The following POTEJ variants were observed in gnomAD, a reference collection of about 807,000 sequenced individuals.
The protein encoded by POTEJ is POTE ankyrin domain family member J, also known as POTE ankyrin domain family, member J.
Under a neutral mutation model 69.0 loss-of-function variants are expected in POTEJ, and 11 were observed. That is an observed-to-expected ratio of 0.16 (90% CI 0.10 to 0.26). The LOEUF (loss-of-function observed/expected upper bound fraction) is 0.26. POTEJ is among the 10% of genes least tolerant of loss of function. The pLI is 1.00. For missense variants in POTEJ, 327 were observed against 1,045.5 expected, an observed-to-expected ratio of 0.31 and a Z score of 9.48; for synonymous variants, 117 against 381.1, an observed-to-expected ratio of 0.31 and a Z score of 8.07.
In POTEJ at chr2:130,656,573, A is replaced by G. The variant is rs766580088; in HGVS notation, c.1813A>G (p.Arg605Gly). 75 of 1,609,428 alleles carry G rather than the reference A, an allele frequency of 4.7e-5. No individual in the cohort carries two copies. The highest frequency in any genetic ancestry group is 8.3e-5 in the Admixed American group (5 of 59,924). ...GCTTTCTCTTAGTTGTAAGAAAGAAAGAGACTTCTTGCATGAAAATAGTAT... is the reference window on the plus strand; with the variant it reads ...GCTTTCTCTTAGTTGTAAGAAAGAAGGAGACTTCTTGCATGAAAATAGTAT... ...SELSLSCKKE[R>G]DFLHENSMLR... is the part of the protein sequence containing the mutation. Residue 605 changes from arginine (R) to glycine (G), a missense_variant, in exon 15 of 15, where the codon AGA (arginine) becomes GGA (glycine). Physicochemically the swap from Arg to Gly is moderately radical, Grantham distance 125. Coordinates refer to ENST00000409602, the MANE Select transcript of POTEJ (RefSeq NM_001277083.2).
At chr2:130,629,010 C>A (rs552793974) in intron 6 of POTEJ, among the ~76,000 whole-genome samples, 11 of 150,714 alleles carry the variant, frequency 7.3e-5, no homozygotes, top group African/African-American at 2.7e-4. Context: ...CAGAGCAAGA[C>A]CCTGGCTCAA....
intron 9 of POTEJ, among the ~76,000 whole-genome samples, chr2:130,633,032 C>G (rs1685965066): frequency 6.9e-6 from 1 of 145,618 alleles, no homozygotes; most frequent in African/African-American, 2.6e-5. Context: ...TTGGTCATCT[C>G]CCTCCCGCGA....
At chr2:130,634,862 G>A (rs1204599819) in intron 9 of POTEJ, among the ~76,000 whole-genome samples, 1,520 of 145,226 alleles carry the variant, frequency 0.01, 1 homozygote, top group African/African-American at 0.04. Context: ...TCACACCGGC[G>A]TCTTCAATTT....
chr2:130,657,531 T>C lies in POTEJ; in HGVS notation c.2771T>C (p.Leu924Pro), dbSNP rs1401852227. The C allele has an allele frequency of 6.4e-7, 1 of 1,566,302 alleles. No homozygotes were observed. The highest frequency in any genetic ancestry group is 1.5e-5 in the African/African-American group (1 of 65,198). ...GAGTGGTTCCGCTGCCCCGAGGCGC[T>C]CTTCCAGCCTTGCTTCCTGGGCATG... ...SNEWFRCPEALFQPCFLGMES... is the reference protein window; with the variant it reads ...SNEWFRCPEAPFQPCFLGMES... The change falls in exon 15 of 15, where the codon CTC (leucine) becomes CCC (proline). Residue 924 changes from leucine to proline, a missense_variant. Transcript: ENST00000409602.
At chr2:130,655,470 T>G (rs1194267272) in intron 14 of POTEJ, among the ~76,000 whole-genome samples, 2 of 152,260 alleles carry the variant, frequency 1.3e-5, no homozygotes, top group Admixed American at 1.3e-4. Context: ...ACCATTATCC[T>G]TACTTTTGCA....
rs1301829011 is a variant in POTEJ, at chr2:130,632,183, A to G, written c.1132-307A>G. Among the ~76,000 whole-genome samples, 3 of 151,184 alleles carry G rather than the reference A, an allele frequency of 2.0e-5. No homozygotes were observed. In the East Asian group the frequency reaches 5.8e-4, roughly 29 times the overall value. On this transcript the variant is annotated intron_variant, in intron 8 of 14. Transcript: ENST00000409602. ...GTCAAATGGGGTAAATACATACATA[A>G]GATTCTGAAGAGTGATTGAGAATAA...
At chr2:130,626,900 G>T (rs1223164287) in intron 6 of POTEJ, among the ~76,000 whole-genome samples, 62 of 152,212 alleles carry the variant, frequency 4.1e-4, no homozygotes, top group African/African-American at 1.4e-3. Context: ...AACATTAATA[G>T]TTGGCAGGCT....
At chr2:130,617,864 A>G (rs1387873809) in intron 3 of POTEJ, among the ~76,000 whole-genome samples, 2 of 152,312 alleles carry the variant, frequency 1.3e-5, no homozygotes, top group Non-Finnish European at 1.5e-5. Context: ...ATGGTGAGAC[A>G]AGGTTCTCTT....
chr2:130,629,298 C>T (rs1685822509), intron 6 of POTEJ, among the ~76,000 whole-genome samples: 1 of 149,690 alleles, frequency 6.7e-6, no homozygotes. Flanking sequence ...CTTACAGAAG[C>T]AGAACAAAGG....
chr2:130,612,585 C>G (rs1336828736), intron 1 of POTEJ, among the ~76,000 whole-genome samples: 237 of 152,108 alleles, frequency 1.6e-3, no homozygotes, highest in Middle Eastern at 0.01. Flanking sequence ...ACGGTGAAAC[C>G]CTGTCTCTAC....
At chr2:130,639,437 C>T (rs1306254836) in intron 10 of POTEJ, among the ~76,000 whole-genome samples, 55 of 151,302 alleles carry the variant, frequency 3.6e-4, no homozygotes, top group African/African-American at 6.9e-4. Flanking sequence ...GTTCTTCCAC[C>T]GGCTGGTTAA....
chr2:130,638,255 T>C (rs1168155863), intron 9 of POTEJ, among the ~76,000 whole-genome samples: 4 of 151,486 alleles, frequency 2.6e-5, no homozygotes, highest in Non-Finnish European at 5.9e-5. Flanking sequence ...GGCAGCATAG[T>C]CCTCACTTTG....
chr2:130,631,124 T>G (rs1685882878), intron 7 of POTEJ, among the ~76,000 whole-genome samples: 1 of 146,990 alleles, frequency 6.8e-6, no homozygotes, highest in Non-Finnish European at 1.5e-5. Context: ...CAAGTTAAGT[T>G]TGCTGGTTCA....
chr2:130,643,153 C>G (rs1417183309), intron 10 of POTEJ, among the ~76,000 whole-genome samples: 1 of 146,008 alleles, frequency 6.8e-6, no homozygotes, highest in Admixed American at 6.9e-5. Flanking sequence ...CAGTAAAGTA[C>G]TAAGGCAGCC....
At chr2:130,648,602 T>C (rs948028589) in intron 13 of POTEJ, among the ~76,000 whole-genome samples, 1 of 130,302 alleles carries the variant, frequency 7.7e-6, no homozygotes, top group African/African-American at 3.5e-5. Flanking sequence ...TTTGAGCCAA[T>C]GGAGGGCATC....
At chr2:130,618,774 CT>C (rs1204750696) in intron 3 of POTEJ, among the ~76,000 whole-genome samples, 6,019 of 32,334 alleles carry the variant, frequency 0.19, 13 homozygotes, top group Non-Finnish European at 0.22. Context: ...ATTAATCTGA[CT>C]TTTTTTTTTT....
At chr2:130,617,827 CGTT>C (rs1244272121) in intron 3 of POTEJ, among the ~76,000 whole-genome samples, 1 of 152,302 alleles carries the variant, frequency 6.6e-6, no homozygotes, top group African/African-American at 2.4e-5. Context: ...TGTGTGTTGT[CGTT>C]GTTGATTGAT....
intron 1 of POTEJ, among the ~76,000 whole-genome samples, chr2:130,612,944 A>C (rs1480493535): frequency 7.4e-6 from 1 of 135,180 alleles, no homozygotes; most frequent in African/African-American, 2.8e-5. Context: ...CAAAATGTGC[A>C]TGTGTTATTT....
chr2:130,639,179 C>T (rs1283851494), intron 10 of POTEJ, among the ~76,000 whole-genome samples: 1 of 152,308 alleles, frequency 6.6e-6, no homozygotes, highest in Non-Finnish European at 1.5e-5. Flanking sequence ...GCACCTCCTC[C>T]TGTGTGGCAT....
Sources: gnomAD v4.1 joint callset for allele counts (sites outside exome capture counted in the v4.1 genomes callset) on GRCh38, gnomAD v4.1.1 for gene constraint, MANE v1.5 for transcripts, NCBI Gene and HGNC (gene_info 2026-07-23, HGNC 2026-07-21) for gene names.